SLC25A26: variants seen among roughly 807,000 people sequenced by gnomAD.
SLC25A26 encodes the protein solute carrier family 25 member 26, also known as mitochondrial S-adenosylmethionine carrier protein.
A neutral mutation model predicts 37.8 loss-of-function variants in SLC25A26; 36 were observed. The ratio of observed to expected loss-of-function variants is 0.95; its 90% CI spans 0.73 to 1.26. The LOEUF (loss-of-function observed/expected upper bound fraction) is 1.26. Ranked by LOEUF, SLC25A26 falls within the 50% of genes most tolerant of loss-of-function variation. The pLI, the probability that SLC25A26 is intolerant of heterozygous loss-of-function variation, is 0.00. For missense variants in SLC25A26, 390 were observed against 331.1 expected (o/e 1.18, Z -1.38); for synonymous variants, 129 against 122.5 (o/e 1.05, Z -0.35).
chr3:66,257,565 G>T (rs1430289346), intron 3 of SLC25A26, among the ~76,000 whole-genome samples: 4 of 152,110 alleles, frequency 2.6e-5, no homozygotes, highest in African/African-American at 7.2e-5. Context: ...AGTCATAGAC[G>T]GAGAGTCATG....
At chr3:66,154,023 T>C (rs571210054) in intron 1 of SLC25A26, among the ~76,000 whole-genome samples, 6 of 152,294 alleles carry the variant, frequency 3.9e-5, no homozygotes, top group South Asian at 2.1e-4. Context: ...CACGTAATCG[T>C]GAGCTGTGAT....
intron 5 of SLC25A26, among the ~76,000 whole-genome samples, chr3:66,266,702 T>G (rs757818248): frequency 5.3e-5 from 8 of 151,904 alleles, no homozygotes; most frequent in Non-Finnish European, 1.0e-4. Context: ...GTCAGCAGAT[T>G]ACACTACCTC....
At position 66,262,116 on chromosome 3, in the gene SLC25A26, A is replaced by G; in HGVS notation, c.366A>G (p.Thr122=). 6.3e-7 allele frequency: 1 copy of G among 1,581,328 alleles called. No individual in the cohort carries two copies. Among genetic ancestry groups the G allele is most frequent in the South Asian group, 1.2e-5 (1 of 85,380 alleles). ...VKQRAQVSAS[T]RTFQIFSNIL... is the part of the protein sequence containing the mutation. ...AGAGGGCACAGGTATCTGCTTCTAC[A>G]AGAACATTTCAGATTTTCTCTAACA... Residue 122 remains threonine, a synonymous_variant, in exon 4 of 10, where the codon ACA becomes ACG. Coordinates refer to ENST00000354883, the MANE Select transcript of SLC25A26 (RefSeq NM_001379210.1).
At chr3:66,245,276 C>G (rs996016709) in intron 3 of SLC25A26, among the ~76,000 whole-genome samples, 1 of 149,514 alleles carries the variant, frequency 6.7e-6, no homozygotes, top group Non-Finnish European at 1.5e-5. Flanking sequence ...AACAAAACCT[C>G]AAAACTAATG....
intron 6 of SLC25A26, among the ~76,000 whole-genome samples, chr3:66,359,753 A>G (rs1262749742): frequency 6.6e-6 from 1 of 152,244 alleles, no homozygotes; most frequent in Admixed American, 6.5e-5. Flanking sequence ...AATGGTTTCT[A>G]TTAAAGCATA....
Position 66,193,530 on chromosome 3 carries a change from T to C in SLC25A26, c.-353-27212T>C, listed in dbSNP as rs1016496523. 3.3e-3 allele frequency among the ~76,000 whole-genome samples: 500 copies of C among 152,268 alleles called. 4 individuals are homozygous for C. Among genetic ancestry groups the C allele is most frequent in the African/African-American group, 0.011 (464 of 41,556 alleles). Reference sequence around the variant, plus strand: ...AAATCAGTTCAGATAACTAACATCATTGTCCTTATCTGGGCTTGGCAGCTC... The same window carrying C: ...AAATCAGTTCAGATAACTAACATCACTGTCCTTATCTGGGCTTGGCAGCTC... On this transcript the variant is annotated intron_variant, in intron 1 of 10. Coordinates refer to the SLC25A26 transcript ENST00000676754.
chr3:66,278,942 A>G (rs934364104), intron 5 of SLC25A26, among the ~76,000 whole-genome samples: 3 of 152,110 alleles, frequency 2.0e-5, no homozygotes, highest in Non-Finnish European at 4.4e-5. Flanking sequence ...TAGTGTTTGT[A>G]TTATTGAGAA....
In SLC25A26 at chr3:66,281,995, C is replaced by CTT. The variant is rs745763623; in HGVS notation, c.453+18616_453+18617insTT. Among the ~76,000 whole-genome samples the CTT allele has an allele frequency of 9.5e-4, 83 of 87,824 alleles. 1 individual carries two copies. The highest frequency in any genetic ancestry group is 1.5e-3 in the South Asian group (5 of 3,312). The allele number at this position is 87,824 out of a possible 152,430, so 57.6% of individuals were successfully genotyped here. A position where few individuals can be genotyped will look rare whatever the true frequency, so the allele number is the denominator to read the frequency against. Reference sequence around the variant, plus strand: ...GCACCACCACACCCAACTGATTTTGCATTTTTTTTTTTTTTTTTTTTTTTT... The same window carrying CTT: ...GCACCACCACACCCAACTGATTTTGCTTATTTTTTTTTTTTTTTTTTTTTTTT... On this transcript the variant is annotated intron_variant, in intron 5 of 9. Transcript: ENST00000354883.
At chr3:66,299,572 G>T (rs946030289) in intron 5 of SLC25A26, among the ~76,000 whole-genome samples, 1 of 152,168 alleles carries the variant, frequency 6.6e-6, no homozygotes, top group African/African-American at 2.4e-5. Context: ...CACTAACACA[G>T]TTCCGTAGTC....
chr3:66,307,246 T>C (rs946427233), intron 5 of SLC25A26, among the ~76,000 whole-genome samples: 3 of 152,252 alleles, frequency 2.0e-5, no homozygotes, highest in Non-Finnish European at 4.4e-5. Context: ...TGCGTTTCTC[T>C]AATGAGCAGT....
At position 66,199,152 on chromosome 3, in the gene SLC25A26, C is replaced by A. The variant is rs907241554; in HGVS notation, c.-353-21590C>A. On this transcript the variant is annotated intron_variant, in intron 1 of 10. Transcript: ENST00000676754. ...CCCCAACCCTTGTACCTTACTTGAC[C>A]CTGCCCTACCTCTGACCATCACCCT... Among the ~76,000 whole-genome samples, 12 of 152,032 alleles carry A rather than the reference C, an allele frequency of 7.9e-5. No homozygotes were observed. The East Asian group carries it at 2.1e-3, about 27-fold the overall frequency.
chr3:66,212,720 T>C (rs1455412778), intron 1 of SLC25A26, among the ~76,000 whole-genome samples: 1 of 152,218 alleles, frequency 6.6e-6, no homozygotes, highest in Non-Finnish European at 1.5e-5. Context: ...ACATCTCACC[T>C]AAATGGAATC....
At position 66,150,541 on chromosome 3, in the gene SLC25A26, AT is replaced by A. The variant is rs1294284356; in HGVS notation, c.-354+16558del. ...TATATAATGATATATATATATATAT[AT>A]ATAAAATATATATAATGATATATAT... On this transcript the variant is annotated intron_variant, in intron 1 of 10. Coordinates refer to the SLC25A26 transcript ENST00000676754. 1.7e-3 allele frequency among the ~76,000 whole-genome samples: 231 copies of A among 133,050 alleles called. 1 individual carries two copies. The highest frequency in any genetic ancestry group is 3.7e-3 in the Middle Eastern group (1 of 272). The allele number at this position is 133,050 out of a possible 152,430, so 87.3% of individuals were successfully genotyped here. A position where few individuals can be genotyped will look rare whatever the true frequency, so the allele number is the denominator to read the frequency against.
chr3:66,257,648 A>T (rs2073356969), intron 3 of SLC25A26, among the ~76,000 whole-genome samples: 1 of 152,172 alleles, frequency 6.6e-6, no homozygotes, highest in Non-Finnish European at 1.5e-5. Flanking sequence ...TCTTTGCTAG[A>T]TTATCAGCCT....
intron 5 of SLC25A26, among the ~76,000 whole-genome samples, chr3:66,268,576 G>A (rs996337442): frequency 2.9e-4 from 44 of 152,304 alleles, no homozygotes; most frequent in African/African-American, 9.6e-4. Flanking sequence ...GGATCCAGGC[G>A]AAGTGCCTTC....
intron 1 of SLC25A26, among the ~76,000 whole-genome samples, chr3:66,224,904 T>A (rs1553659876): frequency 6.6e-6 from 1 of 152,204 alleles, no homozygotes; most frequent in East Asian, 1.9e-4. Context: ...GGTAGTCACA[T>A]CTTAAAGCTC....
At chr3:66,372,234 A>G (rs1280274585) in intron 9 of SLC25A26, among the ~76,000 whole-genome samples, 3 of 152,168 alleles carry the variant, frequency 2.0e-5, no homozygotes, top group Non-Finnish European at 4.4e-5. Flanking sequence ...AGTGTAGTTC[A>G]TGTTTGATTC....
intron 7 of SLC25A26, among the ~76,000 whole-genome samples, chr3:66,368,194 A>G (rs1444221880): frequency 6.6e-6 from 1 of 152,248 alleles, no homozygotes; most frequent in African/African-American, 2.4e-5. Flanking sequence ...TTTCTGGAGT[A>G]TCCTTCACAC....
At chr3:66,176,037 A>G (rs2070581708) in intron 1 of SLC25A26, among the ~76,000 whole-genome samples, 1 of 152,226 alleles carries the variant, frequency 6.6e-6, no homozygotes, top group Admixed American at 6.5e-5. Flanking sequence ...TTCCTTTAAT[A>G]ATTAGAAAAC....
Sources: gnomAD v4.1 joint callset for allele counts (sites outside exome capture counted in the v4.1 genomes callset) on GRCh38, gnomAD v4.1.1 for gene constraint, MANE v1.5 for transcripts, NCBI Gene and HGNC (gene_info 2026-07-23, HGNC 2026-07-21) for gene names.